Variants in TRAPPC9 observed in about 807,000 individuals in gnomAD.
The protein encoded by TRAPPC9 is IKK2 binding protein.
In TRAPPC9, 83 loss-of-function variants were observed where a neutral mutation model predicts 124.0. The ratio of observed to expected loss-of-function variants is 0.67; its 90% confidence interval spans 0.56 to 0.80. The LOEUF is 0.80. Among genes scored for constraint, TRAPPC9 ranks in the 30% least tolerant of loss-of-function variants. TRAPPC9 has a pLI of 0.00. For synonymous variants in TRAPPC9, 638 were observed against 617.5 expected (o/e 1.03, Z -0.49); for missense variants, 1,302 against 1,508.3 (o/e 0.86, Z 2.27).
chr8:140,108,277 C>G (rs1179139828), intron 17 of TRAPPC9, among the ~76,000 whole-genome samples: 2 of 152,220 alleles, frequency 1.3e-5, no homozygotes, highest in Non-Finnish European at 2.9e-5. Context: ...ATGCCCAGCC[C>G]TGCACCCACA....
At chr8:140,312,106 T>G (rs1029306964) in intron 9 of TRAPPC9, among the ~76,000 whole-genome samples, 1 of 152,244 alleles carries the variant, frequency 6.6e-6, no homozygotes, top group Non-Finnish European at 1.5e-5. Context: ...CAAGGGAAAT[T>G]AAGCAGCTTG....
intron 21 of TRAPPC9, among the ~76,000 whole-genome samples, chr8:139,772,153 T>A (rs1007024117): frequency 6.6e-6 from 1 of 152,154 alleles, no homozygotes; most frequent in Non-Finnish European, 1.5e-5. Context: ...TGGAAGGTGA[T>A]CATTAAGCCA....
chr8:140,255,496 C>T (rs1026511383), intron 15 of TRAPPC9, among the ~76,000 whole-genome samples: 5 of 152,170 alleles, frequency 3.3e-5, no homozygotes, highest in Non-Finnish European at 5.9e-5. Context: ...AGACAGATGG[C>T]TGGGAAAAGG....
chr8:139,839,817 GAGAC>G (rs1259031641), intron 21 of TRAPPC9, among the ~76,000 whole-genome samples: 1 of 152,154 alleles, frequency 6.6e-6, no homozygotes, highest in African/African-American at 2.4e-5. Context: ...GCCTATTCCG[GAGAC>G]AGAAAGTGCC....
intron 17 of TRAPPC9, among the ~76,000 whole-genome samples, chr8:140,198,820 A>T (rs145468884): frequency 1.5e-3 from 221 of 152,256 alleles, no homozygotes; most frequent in Non-Finnish European, 2.2e-3. Context: ...GGCAGGAACC[A>T]TGTCTCTCCT....
At chr8:139,898,191 C>T (rs548604756) in intron 20 of TRAPPC9, among the ~76,000 whole-genome samples, 1 of 152,230 alleles carries the variant, frequency 6.6e-6, no homozygotes, top group Non-Finnish European at 1.5e-5. Context: ...ATATGGCAGG[C>T]AGGGAGCCCC....
chr8:139,850,450 C>CGAT (rs1827371240), intron 21 of TRAPPC9, among the ~76,000 whole-genome samples: 1 of 152,192 alleles, frequency 6.6e-6, no homozygotes. Context: ...CATTGCAATC[C>CGAT]CAGCATTGCC....
intron 17 of TRAPPC9, among the ~76,000 whole-genome samples, chr8:140,050,201 C>G (rs1488688514): frequency 2.6e-5 from 4 of 152,190 alleles, no homozygotes; most frequent in African/African-American, 9.7e-5. Flanking sequence ...AGGCGTAAAG[C>G]CTCCAGTGCT....
intron 15 of TRAPPC9, among the ~76,000 whole-genome samples, chr8:140,274,017 C>T (rs1218831053): frequency 1.3e-5 from 2 of 152,178 alleles, no homozygotes; most frequent in Non-Finnish European, 2.9e-5. Flanking sequence ...ATGGGACCAC[C>T]TCCCTGTGAT....
intron 17 of TRAPPC9, among the ~76,000 whole-genome samples, chr8:140,046,089 G>A (rs1341666287): frequency 2.0e-5 from 3 of 152,168 alleles, no homozygotes; most frequent in Non-Finnish European, 2.9e-5. Context: ...TTCTCCCTGA[G>A]GAACACCTGG....
chr8:140,339,849 C>G (rs1563957660), intron 9 of TRAPPC9, among the ~76,000 whole-genome samples: 1 of 150,314 alleles, frequency 6.7e-6, no homozygotes, highest in Non-Finnish European at 1.5e-5. Flanking sequence ...CTGAGATAAA[C>G]TTTTTTTTTT....
intron 21 of TRAPPC9, among the ~76,000 whole-genome samples, chr8:139,874,405 G>T (rs191794995): frequency 6.6e-6 from 1 of 152,202 alleles, no homozygotes; most frequent in Non-Finnish European, 1.5e-5. Context: ...CACCAGCAGC[G>T]GAAGACACAG....
At position 140,417,105 on chromosome 8, in the gene TRAPPC9, T is replaced by C. The variant is rs540270031; in HGVS notation, c.886+9510A>G. Among the ~76,000 whole-genome samples the C allele has an allele frequency of 1.4e-3, 207 of 152,090 alleles. 1 individual carries two copies. Among genetic ancestry groups the C allele is most frequent in the African/African-American group, 4.8e-3 (199 of 41,484 alleles). Reference sequence around the variant, plus strand: ...AAAGACTTAAACGTAGGACCTAAAATCATAAAAATCTTAGAAGAAAACCTA... The same window carrying C: ...AAAGACTTAAACGTAGGACCTAAAACCATAAAAATCTTAGAAGAAAACCTA... On this transcript the variant is annotated intron_variant, in intron 5 of 22. Coordinates refer to ENST00000438773, the MANE Select transcript of TRAPPC9 (RefSeq NM_001160372.4).
At chr8:139,735,651 C>T (rs190647434) in intron 21 of TRAPPC9, among the ~76,000 whole-genome samples, 52 of 147,802 alleles carry the variant, frequency 3.5e-4, no homozygotes, top group African/African-American at 1.3e-3. Flanking sequence ...CAGTACCACC[C>T]TGCCCTGTTT....
At chr8:140,080,570 C>G (rs147047633) in intron 17 of TRAPPC9, among the ~76,000 whole-genome samples, 5 of 152,274 alleles carry the variant, frequency 3.3e-5, no homozygotes, top group South Asian at 4.1e-4. Flanking sequence ...ACAACCCACT[C>G]TCATGTTGAC....
At chr8:139,736,187 G>A (rs1429809136) in intron 21 of TRAPPC9, among the ~76,000 whole-genome samples, 4 of 152,216 alleles carry the variant, frequency 2.6e-5, no homozygotes, top group Non-Finnish European at 4.4e-5. Context: ...ATTGCAGAAG[G>A]AGGGCAGTGC....
chr8:139,848,749 T>C (rs1294750563), intron 21 of TRAPPC9, among the ~76,000 whole-genome samples: 3 of 152,154 alleles, frequency 2.0e-5, no homozygotes, highest in African/African-American at 4.8e-5. Context: ...TGTGTGCCCA[T>C]GTTCCCAACA....
chr8:139,975,804 T>C (rs1453996966), intron 19 of TRAPPC9, among the ~76,000 whole-genome samples: 4 of 152,018 alleles, frequency 2.6e-5, no homozygotes, highest in African/African-American at 9.7e-5. Flanking sequence ...TGTCAGCCCA[T>C]CCACTGACAT....
chr8:139,893,811 G>A (rs1830495757), intron 20 of TRAPPC9, among the ~76,000 whole-genome samples: 1 of 152,234 alleles, frequency 6.6e-6, no homozygotes, highest in Admixed American at 6.5e-5. Flanking sequence ...TCTAACATGT[G>A]AGGGGACCGA....
Sources: gnomAD v4.1 joint callset for allele counts (sites outside exome capture counted in the v4.1 genomes callset) on GRCh38, gnomAD v4.1.1 for gene constraint, MANE v1.5 for transcripts, NCBI Gene and HGNC (gene_info 2026-07-23, HGNC 2026-07-21) for gene names.